The following POLN variants were observed in gnomAD, a reference collection of about 807,000 sequenced individuals.
POLN encodes DNA polymerase N.
In POLN, 108 loss-of-function variants were observed where a neutral mutation model predicts 113.5. The ratio of observed to expected loss-of-function variants is 0.95; its 90% confidence interval spans 0.81 to 1.12. The LOEUF is 1.12. POLN is among the 50% of genes most tolerant of loss of function. POLN has a pLI of 0.00. For missense variants in POLN, 1,097 were observed against 1,077.1 expected (o/e 1.02, Z -0.26); for synonymous variants, 386 against 391.5 (o/e 0.99, Z 0.17).
rs1730531469 is a variant in POLN, at chr4:2,085,659, T to C, written c.2151A>G (p.Lys717=). ...TAGCTGCTCGGGCGAAGTCCTTGAT[T>C]TTCTTGTACTTCTGCAAAAAACTCT... ...FLESFLQKYK[K]IKDFARAAIA... Residue 717 remains lysine (K), a synonymous_variant, in exon 21 of 26, where the codon AAA becomes AAG. Coordinates refer to ENST00000511885, the MANE Select transcript of POLN (RefSeq NM_181808.4). The C allele has an allele frequency of 6.2e-7, 1 of 1,614,024 alleles. No homozygotes were observed. Among genetic ancestry groups the C allele is most frequent in the Non-Finnish European group, 8.5e-7 (1 of 1,180,050 alleles).
In POLN at chr4:2,149,321, AAAC is replaced by A. The variant is rs1298146753; in HGVS notation, c.1731+7464_1731+7466del. Among the ~76,000 whole-genome samples, 4 of 150,656 alleles carry A rather than the reference AAAC, an allele frequency of 2.7e-5. No homozygotes were observed. The East Asian group carries it at 5.9e-4, about 22-fold the overall frequency. ...AAAACAAACAAACAAACAAACAAACAAACAACAAAAACCCAAAACAAAAAACAA... is the reference window on the plus strand; with the variant it reads ...AAAACAAACAAACAAACAAACAAACAAACAAAAACCCAAAACAAAAAACAA... On this transcript the variant is annotated intron_variant, in intron 16 of 25. Transcript: ENST00000511885.
intron 16 of POLN, among the ~76,000 whole-genome samples, chr4:2,139,338 A>G (rs1731939989): frequency 6.6e-6 from 1 of 152,222 alleles, no homozygotes; most frequent in East Asian, 1.9e-4. Context: ...ACTCAAAGGG[A>G]GGCCAGGCTC....
In POLN at chr4:2,208,064, C is replaced by T. The variant is rs764627586; in HGVS notation, c.637G>A (p.Glu213Lys). 4 of 1,614,208 alleles carry T rather than the reference C, an allele frequency of 2.5e-6. No homozygotes were observed. The highest frequency in any genetic ancestry group is 3.4e-6 in the Non-Finnish European group (4 of 1,180,036). Residue 213 changes from glutamate to lysine, a missense_variant, in exon 5 of 26, where the codon GAA becomes AAA. By Grantham distance (56) the Glu-to-Lys change is moderately conservative. Transcript: ENST00000511885. The stretch of plus-strand genomic sequence containing the variant: ...AGGGCTGCTGCCTGTTTGAGCATTT[C>T]AATCAGCTGGCTTTTTGCCCAATCA... Reference protein sequence around the residue: ...LDDWAKSQLIEMLKQAAALVI... With the variant: ...LDDWAKSQLIKMLKQAAALVI...
chr4:2,240,223 C>G, intron 2 of POLN: 2 of 1,613,834 alleles, frequency 1.2e-6, no homozygotes, highest in Non-Finnish European at 1.7e-6. Flanking sequence ...GTCTGTATAT[C>G]TAAAAGTTGA....
chr4:2,176,212 A>G, intron 9 of POLN, 54 bp downstream of exon 9: 1 of 1,447,792 alleles, frequency 6.9e-7, no homozygotes, highest in South Asian at 1.2e-5. Context: ...GTGCCAATGA[A>G]AAGACATCTC....
intron 3 of POLN, among the ~76,000 whole-genome samples, chr4:2,221,655 C>T (rs1384582142): frequency 6.6e-6 from 1 of 152,176 alleles, no homozygotes; most frequent in African/African-American, 2.4e-5. Context: ...TGGCTCACTG[C>T]AACCTCCACT....
intron 5 of POLN, among the ~76,000 whole-genome samples, chr4:2,205,087 C>T (rs567514613): frequency 6.6e-6 from 1 of 152,208 alleles, no homozygotes; most frequent in East Asian, 1.9e-4. Flanking sequence ...AAGTCCTAGC[C>T]AGAGCAATCA....
intron 16 of POLN, among the ~76,000 whole-genome samples, chr4:2,152,420 C>T (rs532056184): frequency 6.8e-6 from 1 of 146,516 alleles, no homozygotes; most frequent in African/African-American, 2.5e-5. Flanking sequence ...CAACTCACTG[C>T]AGCCTCAAAC....
Position 2,072,951 on chromosome 4 carries a change from C to G in POLN, c.2517+17G>C. 4 of 1,612,490 alleles carry G rather than the reference C, an allele frequency of 2.5e-6. No homozygotes were observed. Among genetic ancestry groups the G allele is most frequent in the South Asian group, 2.2e-5 (2 of 91,062 alleles). On this transcript the variant is annotated intron_variant, in intron 25 of 25. Coordinates refer to ENST00000511885, the MANE Select transcript of POLN (RefSeq NM_181808.4). ...CCTGGGCTCCGGAAGACCGGGCAGG[C>G]TTAAGTGTCCCCTCACCTGAAGCTG...
At chr4:2,209,480 G>GA (rs1245386319) in intron 4 of POLN, among the ~76,000 whole-genome samples, 1,560 of 72,082 alleles carry the variant, frequency 0.022, 30 homozygotes, top group African/African-American at 0.05. Context: ...CTCCGTCTCA[G>GA]AAAAAAAAAA....
At chr4:2,239,912 G>C in intron 2 of POLN, 1 of 747,916 alleles carries the variant, frequency 1.3e-6, no homozygotes, top group Non-Finnish European at 2.2e-6. Context: ...AATAAGCACT[G>C]AACAAAGAAA....
At chr4:2,199,974 C>T (rs530164909) in intron 5 of POLN, among the ~76,000 whole-genome samples, 16 of 152,128 alleles carry the variant, frequency 1.1e-4, no homozygotes, top group Non-Finnish European at 1.8e-4. Context: ...AAAGGTAAAG[C>T]AAGACTTGCA....
chr4:2,189,466 C>T (rs949469278), intron 7 of POLN, among the ~76,000 whole-genome samples: 2 of 150,728 alleles, frequency 1.3e-5, no homozygotes, highest in African/African-American at 2.4e-5. Flanking sequence ...GGTGAAACCC[C>T]GTCTCTACCA....
chr4:2,096,005 C>T, intron 19 of POLN, 72 bp from the exon 20 acceptor site: 1 of 1,208,394 alleles, frequency 8.3e-7, no homozygotes, highest in Non-Finnish European at 1.2e-6. Context: ...AGTCCAACCA[C>T]ACACCCCACC....
At chr4:2,159,596 C>T (rs1732526079) in intron 13 of POLN, among the ~76,000 whole-genome samples, 1 of 152,184 alleles carries the variant, frequency 6.6e-6, no homozygotes, top group South Asian at 2.1e-4. Flanking sequence ...CAAAATATAA[C>T]ATACCTATAG....
intron 2 of POLN, chr4:2,231,139 A>T (rs562070652): frequency 6.6e-6 from 1 of 152,220 alleles, no homozygotes. Context: ...TCTGTGGTAC[A>T]AGTAGGGACA....
intron 2 of POLN, chr4:2,231,907 G>C: frequency 1.0e-6 from 1 of 1,003,928 alleles, no homozygotes; most frequent in South Asian, 1.5e-5. Context: ...ACGTAATAAA[G>C]ATTCAGTTTT....
At position 2,085,601 on chromosome 4, in the gene POLN, T is replaced by C. The variant is rs1730529581; in HGVS notation, c.2197+12A>G. 6.2e-7 allele frequency: 1 copy of C among 1,613,508 alleles called. No homozygotes were observed. Among genetic ancestry groups the C allele is most frequent in the Non-Finnish European group, 8.5e-7 (1 of 1,179,920 alleles). On this transcript the variant is annotated intron_variant, in intron 21 of 25. Coordinates refer to ENST00000511885, the MANE Select transcript of POLN (RefSeq NM_181808.4). ...GGCAGGGAGCAGGGAGCTCTGGTTG[T>C]GGCCAACTCACCTGTCTGGTGACAC...
rs569537723 is a variant in POLN, at chr4:2,099,515, A to G, written c.1983-3582T>C. On this transcript the variant is annotated intron_variant, in intron 19 of 25. Coordinates refer to ENST00000511885, the MANE Select transcript of POLN (RefSeq NM_181808.4). ...AAAATACCTGACCAGTCCTCCTCAAAACTGTCAGGGTCATTGAAAACAGGG... is the reference window on the plus strand; with the variant it reads ...AAAATACCTGACCAGTCCTCCTCAAGACTGTCAGGGTCATTGAAAACAGGG... Among the ~76,000 whole-genome samples the G allele has an allele frequency of 3.9e-5, 6 of 152,342 alleles. 1 individual carries two copies. The East Asian group carries it at 1.2e-3, about 29-fold the overall frequency.
Sources: allele counts gnomAD v4.1 joint callset (sites outside exome capture counted in the v4.1 genomes callset), GRCh38; gene constraint gnomAD v4.1.1; transcripts MANE v1.5; gene names NCBI Gene and HGNC (gene_info 2026-07-23, HGNC 2026-07-21).